Variants in PTPN12 observed in about 807,000 individuals in gnomAD.
PTPN12 encodes tyrosine-protein phosphatase non-receptor type 12.
A neutral mutation model predicts 97.6 loss-of-function variants in PTPN12; 29 were observed. That is an observed-to-expected ratio of 0.30 (90% confidence interval 0.22 to 0.41). The LOEUF (loss-of-function observed/expected upper bound fraction) is 0.41. PTPN12 is among the 10% of genes least tolerant of loss of function. PTPN12 has a pLI of 1.00. For synonymous variants in PTPN12, 327 were observed against 300.4 expected, an observed-to-expected ratio of 1.09 and a Z score of -0.91; for missense variants, 819 against 926.0, an observed-to-expected ratio of 0.88 and a Z score of 1.50.
intron 1 of PTPN12, among the ~76,000 whole-genome samples, chr7:77,542,513 G>T (rs531191748): frequency 6.6e-6 from 1 of 152,178 alleles, no homozygotes; most frequent in Admixed American, 6.5e-5. Context: ...TAAGAAGTGA[G>T]ATGTGAGGGC....
chr7:77,574,657 CCAAA>C (rs752469651), intron 2 of PTPN12, among the ~76,000 whole-genome samples: 4 of 152,104 alleles, frequency 2.6e-5, no homozygotes, highest in Admixed American at 1.3e-4. Context: ...GCCCCCTTCC[CCAAA>C]CAAAGACTTC....
chr7:77,557,024 C>T (rs966502074), intron 1 of PTPN12, among the ~76,000 whole-genome samples: 18 of 151,884 alleles, frequency 1.2e-4, no homozygotes, highest in South Asian at 2.1e-4. Flanking sequence ...TGGAGTGCAA[C>T]GGCACAGCCT....
intron 1 of PTPN12, among the ~76,000 whole-genome samples, chr7:77,542,362 C>G (rs1399707803): frequency 6.6e-6 from 1 of 152,108 alleles, no homozygotes; most frequent in Non-Finnish European, 1.5e-5. Context: ...TAGATAGGTT[C>G]TGGTAGAAAA....
At chr7:77,571,290 A>G in intron 2 of PTPN12, 104 bp downstream of exon 2, 1 of 667,924 alleles carries the variant, frequency 1.5e-6, no homozygotes, top group Non-Finnish European at 2.5e-6. Context: ...GGAAGTAGTA[A>G]TTAACCTATC....
At chr7:77,583,871 G>A (rs1294178290) in intron 4 of PTPN12, 1 of 374,616 alleles carries the variant, frequency 2.7e-6, no homozygotes, top group African/African-American at 2.1e-5. Context: ...TTTAAATCTT[G>A]TCCTAAGTCA....
intron 7 of PTPN12, among the ~76,000 whole-genome samples, chr7:77,600,250 A>G (rs1229894421): frequency 6.6e-6 from 1 of 152,172 alleles, no homozygotes; most frequent in Non-Finnish European, 1.5e-5. Context: ...CTACTCTAAC[A>G]TGGTGCTTAC....
chr7:77,633,865 A>G (rs1358678630), intron 14 of PTPN12, among the ~76,000 whole-genome samples: 1 of 151,610 alleles, frequency 6.6e-6, no homozygotes, highest in African/African-American at 2.4e-5. Flanking sequence ...TCTTCTAAAA[A>G]TAAAATAACT....
At chr7:77,606,751 A>T (rs1303997534) in intron 8 of PTPN12, among the ~76,000 whole-genome samples, 1 of 152,178 alleles carries the variant, frequency 6.6e-6, no homozygotes, top group Non-Finnish European at 1.5e-5. Context: ...TTGCAAGATA[A>T]ATCATCCCAT....
chr7:77,610,270 G>T (rs1026627137), intron 9 of PTPN12, among the ~76,000 whole-genome samples: 1 of 152,164 alleles, frequency 6.6e-6, no homozygotes, highest in Non-Finnish European at 1.5e-5. Context: ...CTGGCCAATA[G>T]AATAAATTCA....
intron 13 of PTPN12, among the ~76,000 whole-genome samples, chr7:77,631,439 A>G (rs1180818512): frequency 2.0e-5 from 3 of 152,226 alleles, no homozygotes; most frequent in Non-Finnish European, 4.4e-5. Flanking sequence ...TTTAAGAACA[A>G]TGGGCAAGGC....
At chr7:77,551,644 G>A (rs1807484525) in intron 1 of PTPN12, among the ~76,000 whole-genome samples, 1 of 152,200 alleles carries the variant, frequency 6.6e-6, no homozygotes, top group African/African-American at 2.4e-5. Flanking sequence ...CCATTTGTAA[G>A]CTGCTGATAT....
At position 77,537,529 on chromosome 7, in the gene PTPN12, C is replaced by T. The variant is rs769756162; in HGVS notation, c.-18C>T. The T allele has an allele frequency of 3.2e-6, 5 of 1,578,358 alleles. No homozygotes were observed. In the African/African-American group the frequency reaches 5.6e-5, roughly 18 times the overall value. On this transcript the variant is annotated 5_prime_UTR_variant, in exon 1 of 18. Coordinates refer to ENST00000248594, the MANE Select transcript of PTPN12 (RefSeq NM_002835.4). ...GCGGCGGGGGGGCCAGCGACCGCAG[C>T]CGGGGGGACGCGGGAGGATGGAGCA... is the stretch of plus-strand genomic sequence containing the variant.
intron 4 of PTPN12, chr7:77,585,315 A>T: frequency 2.5e-6 from 1 of 395,246 alleles, no homozygotes; most frequent in East Asian, 4.0e-5. Context: ...AACCAAAAAC[A>T]TCATGTTAAT....
intron 4 of PTPN12, 153 bp downstream of exon 4, chr7:77,583,803 G>T: frequency 2.1e-6 from 1 of 482,340 alleles, no homozygotes; most frequent in East Asian, 3.5e-5. Flanking sequence ...CCATTTTTAG[G>T]ATGTCTCATT....
intron 7 of PTPN12, among the ~76,000 whole-genome samples, chr7:77,599,609 T>C (rs1325462676): frequency 6.6e-6 from 1 of 152,178 alleles, no homozygotes; most frequent in African/African-American, 2.4e-5. Flanking sequence ...GCTAATTTTT[T>C]AATCTACGGT....
intron 4 of PTPN12, among the ~76,000 whole-genome samples, chr7:77,584,802 G>C (rs552707029): frequency 6.6e-6 from 1 of 151,942 alleles, no homozygotes; most frequent in Non-Finnish European, 1.5e-5. Context: ...GCGTGAACCC[G>C]GGAGGCAGCG....
At chr7:77,630,832 A>G (rs1789373056) in intron 13 of PTPN12, among the ~76,000 whole-genome samples, 1 of 152,206 alleles carries the variant, frequency 6.6e-6, no homozygotes, top group African/African-American at 2.4e-5. Context: ...AGCCTATATA[A>G]AATACGCAAT....
intron 4 of PTPN12, 52 bp from the exon 5 acceptor site, chr7:77,585,491 A>G (rs1219882081): frequency 2.0e-6 from 3 of 1,488,302 alleles, no homozygotes; most frequent in Non-Finnish European, 2.8e-6. Context: ...AAAAAGTAAA[A>G]TTGTGTTTAA....
intron 6 of PTPN12, chr7:77,592,525 A>C (rs752707245): frequency 3.1e-6 from 1 of 321,526 alleles, no homozygotes; most frequent in Non-Finnish European, 5.6e-6. Context: ...TTTACATGTA[A>C]ATGAAGTAAC....
Sources: gnomAD v4.1 joint callset for allele counts (sites outside exome capture counted in the v4.1 genomes callset) on GRCh38, gnomAD v4.1.1 for gene constraint, MANE v1.5 for transcripts, NCBI Gene and HGNC (gene_info 2026-07-23, HGNC 2026-07-21) for gene names.